Variants in ZNF654 observed in about 807,000 individuals in gnomAD.
ZNF654 encodes zinc finger protein 654, also known as melanoma-associated antigen.
ZNF654 carries 19 observed loss-of-function variants against 95.3 expected under a neutral mutation model. That is an observed-to-expected ratio of 0.20 (90% CI 0.14 to 0.29). ZNF654 has a LOEUF of 0.29. Among genes scored for constraint, ZNF654 ranks in the 10% least tolerant of loss-of-function variants. The pLI, the probability that ZNF654 is intolerant of heterozygous loss-of-function variation, is 1.00. For missense variants in ZNF654, 1,046 were observed against 1,341.0 expected, an observed-to-expected ratio of 0.78 and a Z score of 3.44; for synonymous variants, 413 against 457.9, an observed-to-expected ratio of 0.90 and a Z score of 1.25.
chr3:88,078,941 AC>A (rs1707947859), intron 1 of ZNF654, among the ~76,000 whole-genome samples: 1 of 152,096 alleles, frequency 6.6e-6, no homozygotes, highest in South Asian at 2.1e-4. Flanking sequence ...ATGATAAAAA[AC>A]TAACTTTTCA....
At chr3:88,132,430 G>A (rs1400516105) in intron 6 of ZNF654, among the ~76,000 whole-genome samples, 1 of 152,132 alleles carries the variant, frequency 6.6e-6, no homozygotes, top group African/African-American at 2.4e-5. Context: ...ACGTGTATAA[G>A]CTTCATTAAA....
intron 1 of ZNF654, among the ~76,000 whole-genome samples, chr3:88,066,912 T>C (rs1295815072): frequency 2.0e-5 from 3 of 152,240 alleles, no homozygotes; most frequent in Admixed American, 6.5e-5. Context: ...ATTAATTGTA[T>C]ATTAATATGT....
chr3:88,068,030 A>C (rs1707301438), intron 1 of ZNF654, among the ~76,000 whole-genome samples: 1 of 152,216 alleles, frequency 6.6e-6, no homozygotes, highest in Non-Finnish European at 1.5e-5. Context: ...GACAACACTC[A>C]AAGCACAAGT....
chr3:88,118,359 A>G (rs1017912056), intron 3 of ZNF654, among the ~76,000 whole-genome samples: 2 of 152,094 alleles, frequency 1.3e-5, no homozygotes, highest in African/African-American at 4.8e-5. Flanking sequence ...ACTGCGTAAT[A>G]TACCATAGGA....
At position 88,105,011 on chromosome 3, in the gene ZNF654, G is replaced by A. The variant is rs191294595; in HGVS notation, c.333-8104G>A. Among the ~76,000 whole-genome samples, 9 of 152,162 alleles carry A rather than the reference G, an allele frequency of 5.9e-5. 1 individual carries two copies. In the East Asian group the frequency reaches 1.4e-3, roughly 23 times the overall value. ...AAAAATTAGTCAGGTGTGGTGGCGCGCGCCTGTAATCCCAGCTACTCGGGA... is the reference window on the plus strand; with the variant it reads ...AAAAATTAGTCAGGTGTGGTGGCGCACGCCTGTAATCCCAGCTACTCGGGA... On this transcript the variant is annotated intron_variant, in intron 2 of 8. Transcript: ENST00000636215.
intron 2 of ZNF654, among the ~76,000 whole-genome samples, chr3:88,105,774 G>A (rs546709321): frequency 2.1e-3 from 316 of 152,238 alleles, no homozygotes; most frequent in Non-Finnish European, 3.6e-3. Flanking sequence ...TGTGACTGAA[G>A]TTTGAATATC....
In ZNF654 at chr3:88,059,431, G is replaced by C; in HGVS notation, c.112G>C (p.Gly38Arg). The C allele has an allele frequency of 6.6e-7, 1 of 1,525,934 alleles. No homozygotes were observed. The highest frequency in any genetic ancestry group is 8.7e-7 in the Non-Finnish European group (1 of 1,143,634). The allele number at this position is 1,525,934 out of a possible 1,614,324, so 94.5% of individuals were successfully genotyped here. A position where few individuals can be genotyped will look rare whatever the true frequency, so the allele number is the denominator to read the frequency against. ...GCTTAGAGCTGCGGGCGACGGCAGAGGCGGCGCTGGCAGCGGCAACTGCGG... is the reference window on the plus strand; with the variant it reads ...GCTTAGAGCTGCGGGCGACGGCAGACGCGGCGCTGGCAGCGGCAACTGCGG... ...VGLRAAGDGR[G>R]GAGSGNCGGG... The change falls in exon 1 of 9, where the codon GGC (glycine) becomes CGC (arginine). Residue 38 changes from glycine to arginine, a missense_variant. Physicochemically the swap from Gly to Arg is moderately radical, Grantham distance 125. Transcript: ENST00000636215.
At chr3:88,091,325 A>G (rs1451253183) in intron 2 of ZNF654, among the ~76,000 whole-genome samples, 1 of 152,200 alleles carries the variant, frequency 6.6e-6, no homozygotes, top group Non-Finnish European at 1.5e-5. Context: ...TCACACTACA[A>G]GGAAAATGTT....
At chr3:88,102,667 G>A (rs548092738) in intron 2 of ZNF654, among the ~76,000 whole-genome samples, 2 of 152,182 alleles carry the variant, frequency 1.3e-5, no homozygotes, top group East Asian at 3.9e-4. Flanking sequence ...GAAGCCAGTG[G>A]TGCACAGAAG....
chr3:88,129,050 CCCTA>C, intron 5 of ZNF654, 39 bp downstream of exon 5: 1 of 1,441,130 alleles, frequency 6.9e-7, no homozygotes, highest in Non-Finnish European at 9.2e-7. Flanking sequence ...ACCATTTTAA[CCCTA>C]CCAAAAAAAA....
Position 88,087,362 on chromosome 3 carries a change from A to G in ZNF654, c.332+960A>G, listed in dbSNP as rs551339472. 1.0e-3 allele frequency among the ~76,000 whole-genome samples: 159 copies of G among 152,326 alleles called. 1 individual carries two copies. The highest frequency in any genetic ancestry group is 3.8e-3 in the African/African-American group (156 of 41,572). On this transcript the variant is annotated intron_variant, in intron 2 of 8. Transcript: ENST00000636215. ...AGTGCTGGGATTACAGGCGTGAGCT[A>G]CCACACCTGGCTGAAAATCCTGGTT...
In ZNF654 at chr3:88,143,321, G is replaced by GT. The variant is rs1286666018; in HGVS notation, c.*1671dup. 6.6e-6 allele frequency: 1 copy of GT among 152,044 alleles called. No individual in the cohort carries two copies. The highest frequency in any genetic ancestry group is 1.5e-5 in the Non-Finnish European group (1 of 67,678). 9.4% of individuals were successfully genotyped at this position (152,044 alleles called of 1,614,324 possible). A position where few individuals can be genotyped will look rare whatever the true frequency, so the allele number is the denominator to read the frequency against. ...CCATTCCAAATTTAAATTTGTTTCT[G>GT]TTATGTAGCCTATATTAGGCTGTGG... is the stretch of plus-strand genomic sequence containing the variant. On this transcript the variant is annotated 3_prime_UTR_variant, in exon 9 of 9. Transcript: ENST00000636215.
At position 88,095,565 on chromosome 3, in the gene ZNF654, T is replaced by C. The variant is rs965355258; in HGVS notation, c.332+9163T>C. 4.0e-5 allele frequency: 21 copies of C among 519,782 alleles called. No individual in the cohort carries two copies. The African/African-American group carries it at 4.1e-4, about 10-fold the overall frequency. 32.2% of individuals were successfully genotyped at this position (519,782 alleles called of 1,614,324 possible). A position where few individuals can be genotyped will look rare whatever the true frequency, so the allele number is the denominator to read the frequency against. ...TGCTTCATCTGTCTTTCCATTTCAT[T>C]AAAAACATAAATTGCCACAGGAATC... On this transcript the variant is annotated intron_variant, in intron 2 of 8. Transcript: ENST00000636215.
At chr3:88,097,095 A>G (rs138807428) in intron 2 of ZNF654, among the ~76,000 whole-genome samples, 4 of 152,198 alleles carry the variant, frequency 2.6e-5, no homozygotes, top group Admixed American at 6.6e-5. Context: ...TCTTGTTTCA[A>G]TCTTTTGCTG....
At chr3:88,107,053 C>A (rs1704786544) in intron 2 of ZNF654, among the ~76,000 whole-genome samples, 1 of 152,166 alleles carries the variant, frequency 6.6e-6, no homozygotes, top group Admixed American at 6.5e-5. Context: ...TCTCTTGTTT[C>A]ATGTTTGCCA....
rs556573483 is a variant in ZNF654, at chr3:88,142,861, C to T, written c.*1209C>T. The T allele has an allele frequency of 4.6e-5, 7 of 152,148 alleles. No individual in the cohort carries two copies. The highest frequency in any genetic ancestry group is 4.6e-4 in the Admixed American group (7 of 15,226). The allele number at this position is 152,148 out of a possible 1,614,324, so 9.4% of individuals were successfully genotyped here. A position where few individuals can be genotyped will look rare whatever the true frequency, so the allele number is the denominator to read the frequency against. On this transcript the variant is annotated 3_prime_UTR_variant, in exon 9 of 9. Transcript: ENST00000636215. ...TGTTTTCCTTAGTGATGTTATTTTC[C>T]TAAGAAGATTTTAACTTAATAAAGT... is the stretch of plus-strand genomic sequence containing the variant.
intron 8 of ZNF654, 56 bp from the exon 9 acceptor site, chr3:88,141,589 G>T: frequency 7.4e-7 from 1 of 1,347,006 alleles, no homozygotes; most frequent in South Asian, 1.7e-5. Flanking sequence ...ATCTGACTTG[G>T]AATTCCGGTC....
chr3:88,070,735 C>A (rs1016118579), intron 1 of ZNF654, among the ~76,000 whole-genome samples: 8 of 151,994 alleles, frequency 5.3e-5, no homozygotes, highest in Admixed American at 4.6e-4. Flanking sequence ...TATGTCAGTT[C>A]CTGTCCTAGA....
intron 2 of ZNF654, among the ~76,000 whole-genome samples, chr3:88,103,499 A>G (rs1057440918): frequency 6.6e-6 from 1 of 152,220 alleles, no homozygotes; most frequent in South Asian, 2.1e-4. Context: ...CTAAAACTGT[A>G]TAACATGTCT....
Sources: gnomAD v4.1 joint callset for allele counts (sites outside exome capture counted in the v4.1 genomes callset) on GRCh38, gnomAD v4.1.1 for gene constraint, MANE v1.5 for transcripts, NCBI Gene and HGNC (gene_info 2026-07-23, HGNC 2026-07-21) for gene names.